Variants in FRMPD3 observed in about 807,000 individuals in gnomAD.
The protein encoded by FRMPD3 is FERM and PDZ domain containing 3.
A neutral mutation model predicts 97.9 loss-of-function variants in FRMPD3; 42 were observed. The ratio of observed to expected loss-of-function variants is 0.43; its 90% CI spans 0.34 to 0.55. The LOEUF (loss-of-function observed/expected upper bound fraction) is 0.55. Ranked by LOEUF, FRMPD3 falls within the 20% of genes least tolerant of loss-of-function variation. The probability of loss-of-function intolerance (pLI) is 0.03; values close to 1 mark genes in which losing one functional copy is unlikely to be tolerated. For synonymous variants in FRMPD3, 577 were observed against 581.1 expected, an observed-to-expected ratio of 0.99 and a Z score of 0.10; for missense variants, 1,303 against 1,457.7, an observed-to-expected ratio of 0.89 and a Z score of 1.73.
chrX:107,570,372 G>T (rs1267071577), intron 12 of FRMPD3, among the ~76,000 whole-genome samples: 1 of 109,348 alleles, frequency 9.1e-6, no homozygotes, highest in Non-Finnish European at 1.9e-5. Context: ...ACTCTGGTCT[G>T]GTAATATTCT....
At chrX:107,506,847 TG>T (rs1403769552) in intron 1 of FRMPD3, among the ~76,000 whole-genome samples, 4 of 111,969 alleles carry the variant, frequency 3.6e-5, no homozygotes, top group Non-Finnish European at 3.8e-5. Flanking sequence ...CAGCAGGGGC[TG>T]GGTTTCTAAG....
At chrX:107,531,286 A>G (rs1238298065) in intron 3 of FRMPD3, among the ~76,000 whole-genome samples, 1 of 106,357 alleles carries the variant, frequency 9.4e-6, no homozygotes, top group East Asian at 3.0e-4. Flanking sequence ...TGGCTATCTC[A>G]CTCCAAATGG....
At chrX:107,493,024 C>T (rs1158464237) in intron 1 of FRMPD3, among the ~76,000 whole-genome samples, 1 of 108,662 alleles carries the variant, frequency 9.2e-6, no homozygotes, top group Admixed American at 9.8e-5. Context: ...ACAATAATAA[C>T]AAAAAATTAG....
At chrX:107,566,949 T>C (rs754922483) in intron 12 of FRMPD3, among the ~76,000 whole-genome samples, 17 of 111,175 alleles carry the variant, frequency 1.5e-4, no homozygotes, top group African/African-American at 2.3e-4. Context: ...TACATTGTCA[T>C]TGGGGAGACT....
intron 12 of FRMPD3, among the ~76,000 whole-genome samples, chrX:107,566,351 G>A (rs1922602525): frequency 8.9e-6 from 1 of 112,968 alleles, no homozygotes; most frequent in African/African-American, 3.2e-5. Flanking sequence ...AAGCTTTAAT[G>A]TGTTGATTTT....
chrX:107,570,266 T>C (rs1239050985), intron 12 of FRMPD3, among the ~76,000 whole-genome samples: 1 of 93,972 alleles, frequency 1.1e-5, no homozygotes, highest in Non-Finnish European at 1.9e-5. Flanking sequence ...AGCACACAAC[T>C]GCATAGGTTA....
rs1248298452 is a variant in FRMPD3, at chrX:107,602,796, G to A, written c.4757G>A (p.Gly1586Asp). 2.2e-5 allele frequency: 26 copies of A among 1,209,018 alleles called. No individual in the cohort carries two copies. The highest frequency in any genetic ancestry group is 2.6e-5 in the Non-Finnish European group (23 of 894,892). Residue 1586 changes from glycine to aspartate, a missense_variant, in exon 15 of 15, where the codon GGC becomes GAC. Physicochemically the swap from Gly to Asp is moderately conservative, Grantham distance 94 (BLOSUM62 -1). Coordinates refer to ENST00000683843, the MANE Select transcript of FRMPD3 (RefSeq NM_001388459.1). ...AATGCCCTGCGGGCCCATGCCTATG[G>A]CCTCCCTGATGGCTTCCTGGCTGCC... ...KINALRAHAY[G>D]LPDGFLAARL...
intron 2 of FRMPD3, among the ~76,000 whole-genome samples, chrX:107,527,161 C>T (rs1254068763): frequency 8.9e-6 from 1 of 111,918 alleles, no homozygotes; most frequent in African/African-American, 3.2e-5. Context: ...AACCATCAGG[C>T]TGTGGAGACA....
chrX:107,543,122 C>T (rs768436805), intron 4 of FRMPD3, among the ~76,000 whole-genome samples: 18 of 111,646 alleles, frequency 1.6e-4, no homozygotes, highest in Non-Finnish European at 2.8e-4. Flanking sequence ...AGACCCCCAA[C>T]TGGTCTCCAT....
At chrX:107,455,655 T>C (rs1931364092) in intron 1 of FRMPD3, among the ~76,000 whole-genome samples, 1 of 111,802 alleles carries the variant, frequency 8.9e-6, no homozygotes, top group Non-Finnish European at 1.9e-5. Flanking sequence ...TAATACACAG[T>C]AGGTACTCAA....
chrX:107,542,973 A>G (rs1006193276), intron 4 of FRMPD3, among the ~76,000 whole-genome samples: 24 of 111,685 alleles, frequency 2.1e-4, no homozygotes, highest in African/African-American at 6.8e-4. Context: ...CTCATATCCA[A>G]TCAGTCAACA....
At chrX:107,542,796 C>G (rs1921378592) in intron 4 of FRMPD3, among the ~76,000 whole-genome samples, 1 of 111,970 alleles carries the variant, frequency 8.9e-6, no homozygotes, top group Admixed American at 9.4e-5. Context: ...CAGGGACCTT[C>G]AGGGCCTTAA....
intron 1 of FRMPD3, among the ~76,000 whole-genome samples, chrX:107,516,554 T>G (rs1922336653): frequency 9.0e-6 from 1 of 111,602 alleles, no homozygotes; most frequent in African/African-American, 3.3e-5. Context: ...CCTGACTTTT[T>G]AATGATCGCC....
chrX:107,515,707 A>G (rs1922299757), intron 1 of FRMPD3, among the ~76,000 whole-genome samples: 1 of 111,343 alleles, frequency 9.0e-6, no homozygotes, highest in East Asian at 2.8e-4. Context: ...TTTCTTAAGG[A>G]TGGATTATTT....
chrX:107,522,926 C>T (rs750919527), intron 1 of FRMPD3, among the ~76,000 whole-genome samples: 12 of 75,980 alleles, frequency 1.6e-4, no homozygotes, highest in Admixed American at 8.6e-4. Context: ...CGTGGGGTGG[C>T]GGGGGGTGGG....
At chrX:107,538,540 T>TAA (rs55749241) in intron 4 of FRMPD3, among the ~76,000 whole-genome samples, 3,305 of 63,704 alleles carry the variant, frequency 0.052, 83 homozygotes, top group South Asian at 0.089. Flanking sequence ...CTATATTTGT[T>TAA]AAAAAAAAAA....
chrX:107,557,725 T>C (rs1314419255), intron 8 of FRMPD3, among the ~76,000 whole-genome samples: 1 of 93,208 alleles, frequency 1.1e-5, no homozygotes, highest in African/African-American at 3.8e-5. Context: ...CCAATTGTTA[T>C]AGCACCTTTT....
In FRMPD3 at chrX:107,597,958, A is replaced by G; in HGVS notation, c.2079A>G (p.Gln693=). The G allele has an allele frequency of 8.3e-7, 1 of 1,210,809 alleles. No homozygotes were observed. The change falls in exon 14 of 15, where the codon CAA becomes CAG. Residue 693 remains glutamine (Q), a synonymous_variant. Transcript: ENST00000683843. ...GCCGGGCTGTCCAGAGCCAGGAACAAGGACGCCACCTGCGTGGGCTTCTGT... is the reference window on the plus strand; with the variant it reads ...GCCGGGCTGTCCAGAGCCAGGAACAGGGACGCCACCTGCGTGGGCTTCTGT... ...PKRRAVQSQE[Q]GRHLRGLLYD... is the part of the protein sequence containing the mutation.
chrX:107,528,989 T>C (rs1922814492), intron 2 of FRMPD3, among the ~76,000 whole-genome samples: 1 of 113,173 alleles, frequency 8.8e-6, no homozygotes, highest in African/African-American at 3.2e-5. Context: ...TTTTGGAATT[T>C]GGGCAGCCCC....
Sources: gnomAD v4.1 joint callset for allele counts (sites outside exome capture counted in the v4.1 genomes callset) on GRCh38, gnomAD v4.1.1 for gene constraint, MANE v1.5 for transcripts, NCBI Gene and HGNC (gene_info 2026-07-23, HGNC 2026-07-21) for gene names.